Variants in CCT5 observed in about 807,000 individuals in gnomAD.
CCT5 encodes the protein chaperonin containing TCP1 subunit 5.
Under a neutral mutation model 55.0 loss-of-function variants are expected in CCT5, and 6 were observed. That is an observed-to-expected ratio of 0.11 (90% confidence interval 0.06 to 0.22). The LOEUF (loss-of-function observed/expected upper bound fraction) is 0.22, where lower values mean the gene tolerates loss of function less well. CCT5 is among the 10% of genes least tolerant of loss of function. CCT5 has a pLI of 1.00. For missense variants in CCT5, 560 were observed against 694.6 expected, an observed-to-expected ratio of 0.81 and a Z score of 2.18; for synonymous variants, 231 against 243.7, an observed-to-expected ratio of 0.95 and a Z score of 0.49.
At position 10,265,482 on chromosome 5, in the gene CCT5, A is replaced by AGG; in HGVS notation, c.*700_*701insGG. On this transcript the variant is annotated 3_prime_UTR_variant, in exon 11 of 11. Coordinates refer to ENST00000280326, the MANE Select transcript of CCT5 (RefSeq NM_012073.5). Reference sequence around the variant, plus strand: ...AGGGACACAGTGAAGTGGAGGTTAAAGTAAATTACAGGAAATAAGGGAGAA... The same window carrying AGG: ...AGGGACACAGTGAAGTGGAGGTTAAAGGGTAAATTACAGGAAATAAGGGAGAA... The AGG allele has an allele frequency of 6.6e-6, 1 of 152,376 alleles. No homozygotes were observed. Among genetic ancestry groups the AGG allele is most frequent in the Non-Finnish European group, 1.5e-5 (1 of 68,152 alleles). 9.4% of individuals were successfully genotyped at this position (152,376 alleles called of 1,614,324 possible).
rs1294500327 is a variant in CCT5 at position 10,265,460 on chromosome 5, G to A, written c.*677G>A. The A allele has an allele frequency of 6.6e-5, 10 of 152,378 alleles. No homozygotes were observed. Among genetic ancestry groups the A allele is most frequent in the African/African-American group, 2.4e-4 (10 of 41,462 alleles). The allele number at this position is 152,378 out of a possible 1,614,324, so 9.4% of individuals were successfully genotyped here. ...AACCCACTTGTTTCCCTATCAGAGG[G>A]ACACAGTGAAGTGGAGGTTAAAGTA... On this transcript the variant is annotated 3_prime_UTR_variant, in exon 11 of 11. Transcript: ENST00000280326.
chr5:10,265,098 T>G lies in CCT5; in HGVS notation c.*315T>G. 3.3e-6 allele frequency: 1 copy of G among 304,528 alleles called. No homozygotes were observed. Among genetic ancestry groups the G allele is most frequent in the South Asian group, 3.4e-5 (1 of 29,514 alleles). The allele number at this position is 304,528 out of a possible 1,614,324, so 18.9% of individuals were successfully genotyped here. ...TAATTGAAGGGGTTTGGGTGGATTT[T>G]TTTTTCTCAAAATAAGCTGTAGGGA... On this transcript the variant is annotated 3_prime_UTR_variant, in exon 11 of 11. Transcript: ENST00000280326.
Position 10,263,415 on chromosome 5 carries a change from ATATG to A in CCT5, c.1498+104_1498+107del, listed in dbSNP as rs1459084348. On this transcript the variant is annotated intron_variant, in intron 10 of 10. Transcript: ENST00000280326. ...CTGTGAGATGATGGTGTCTTTTTAAATATGTAAGCCCACTTCAGGTGTTCAAGTC... is the reference window on the plus strand; with the variant it reads ...CTGTGAGATGATGGTGTCTTTTTAAATAAGCCCACTTCAGGTGTTCAAGTC... The A allele has an allele frequency of 3.5e-6, 4 of 1,128,088 alleles. No homozygotes were observed. The African/African-American group carries it at 4.6e-5, about 13-fold the overall frequency. 69.9% of individuals were successfully genotyped at this position (1,128,088 alleles called of 1,614,324 possible).
In CCT5 at chr5:10,250,698, T is replaced by G. The variant is rs1745345270; in HGVS notation, c.105+253T>G. On this transcript the variant is annotated intron_variant, in intron 1 of 10. Transcript: ENST00000280326. ...GCCCTTCGGAGCTGGGTGGGGCCGCTCAGTCCGGTCGCCCGCGGGAGCAAA... is the reference window on the plus strand; with the variant it reads ...GCCCTTCGGAGCTGGGTGGGGCCGCGCAGTCCGGTCGCCCGCGGGAGCAAA... The G allele has an allele frequency of 2.2e-6, 3 of 1,346,092 alleles. No individual in the cohort carries two copies. In the East Asian group the frequency reaches 9.1e-5, roughly 41 times the overall value. 83.4% of individuals were successfully genotyped at this position (1,346,092 alleles called of 1,614,324 possible). A position where few individuals can be genotyped will look rare whatever the true frequency, so the allele number is the denominator to read the frequency against.
Position 10,256,145 on chromosome 5 carries a change from C to G in CCT5, c.522C>G (p.Gly174=). 6.2e-7 allele frequency: 1 copy of G among 1,612,918 alleles called. No homozygotes were observed. Residue 174 remains glycine (G), a synonymous_variant, in exon 4 of 11, where the codon GGC becomes GGG. Coordinates refer to ENST00000280326, the MANE Select transcript of CCT5 (RefSeq NM_012073.5). The part of the protein sequence containing the change: ...PLIQTAKTTL[G]SKVVNSCHRQ... ...TTCAGACAGCAAAAACCACGCTGGG[C>G]TCCAAAGTGTACGTTTCAGTAGATG...
At chr5:10,254,250 A>G (rs1297504057) in intron 2 of CCT5, 45 bp downstream of exon 2, 3 of 1,312,250 alleles carry the variant, frequency 2.3e-6, no homozygotes, top group Non-Finnish European at 3.3e-6. Context: ...GATTTAAATT[A>G]TAAAACTGTC....
chr5:10,257,078 G>A (rs1440815344), intron 4 of CCT5, among the ~76,000 whole-genome samples: 1 of 152,222 alleles, frequency 6.6e-6, no homozygotes, highest in East Asian at 1.9e-4. Flanking sequence ...TTAAATCAGT[G>A]AGAGATGTTT....
In CCT5 at chr5:10,262,344, A is replaced by G; in HGVS notation, c.1180-137A>G. 3 of 952,426 alleles carry G rather than the reference A, an allele frequency of 3.1e-6. No individual in the cohort carries two copies. The South Asian group carries it at 4.1e-5, about 13-fold the overall frequency. The allele number at this position is 952,426 out of a possible 1,614,324, so 59.0% of individuals were successfully genotyped here. ...TACATTGCAGGAAGGAAAGCTAGAA[A>G]GATAAATATTATCCGATAGTGGAGG... On this transcript the variant is annotated intron_variant, in intron 8 of 10. Coordinates refer to ENST00000280326, the MANE Select transcript of CCT5 (RefSeq NM_012073.5).
At position 10,250,884 on chromosome 5, in the gene CCT5, A is replaced by G. The variant is rs553034119; in HGVS notation, c.105+439A>G. On this transcript the variant is annotated intron_variant, in intron 1 of 10. Transcript: ENST00000280326. ...CAACGGCCCTTCCGTTTTCTTTGTC[A>G]CTCGTAAAGGTGTGGTCACTTAACA... 36 of 1,038,466 alleles carry G rather than the reference A, an allele frequency of 3.5e-5. No homozygotes were observed. The East Asian group carries it at 2.3e-3, about 66-fold the overall frequency. The allele number at this position is 1,038,466 out of a possible 1,614,324, so 64.3% of individuals were successfully genotyped here. A position where few individuals can be genotyped will look rare whatever the true frequency, so the allele number is the denominator to read the frequency against.
chr5:10,252,868 TCTC>T (rs1158029551), intron 1 of CCT5, among the ~76,000 whole-genome samples: 1 of 152,122 alleles, frequency 6.6e-6, no homozygotes, highest in African/African-American at 2.4e-5. Context: ...TTTCGGGATC[TCTC>T]CTATTTGCCA....
At chr5:10,253,807 T>G (rs57757643) in intron 1 of CCT5, among the ~76,000 whole-genome samples, 6,181 of 152,306 alleles carry the variant, frequency 0.041, 442 homozygotes, top group African/African-American at 0.14. Context: ...CAGGGAGGAC[T>G]GTGTTGCACA....
At chr5:10,252,245 G>A (rs937151713) in intron 1 of CCT5, among the ~76,000 whole-genome samples, 2 of 152,178 alleles carry the variant, frequency 1.3e-5, no homozygotes, top group African/African-American at 4.8e-5. Context: ...CTTGCTCCCT[G>A]ACCTCATAGA....
At chr5:10,253,827 C>G (rs1449214083) in intron 1 of CCT5, among the ~76,000 whole-genome samples, 1 of 152,180 alleles carries the variant, frequency 6.6e-6, no homozygotes, top group Non-Finnish European at 1.5e-5. Flanking sequence ...AGTGGTCTTG[C>G]AACGCCTGTA....
chr5:10,258,106 C>G lies in CCT5; in HGVS notation c.531-5C>G. On this transcript the variant is annotated splice_polypyrimidine_tract_variant and splice_region_variant and intron_variant, in intron 4 of 10. Transcript: ENST00000280326. ...ATGAAGTTTGTTTTGTGGTGTTTTCCTCAGGGTCAACAGTTGTCACCGACA... is the reference window on the plus strand; with the variant it reads ...ATGAAGTTTGTTTTGTGGTGTTTTCGTCAGGGTCAACAGTTGTCACCGACA... 1 of 1,613,880 alleles carries G rather than the reference C, an allele frequency of 6.2e-7. No homozygotes were observed. Among genetic ancestry groups the G allele is most frequent in the Non-Finnish European group, 8.5e-7 (1 of 1,179,978 alleles).
chr5:10,259,105 A>G (rs1470598265), intron 6 of CCT5, among the ~76,000 whole-genome samples: 1 of 152,242 alleles, frequency 6.6e-6, no homozygotes, highest in Middle Eastern at 3.2e-3. Context: ...AACTTAGCTT[A>G]CCTTGCCTTT....
intron 3 of CCT5, 145 bp downstream of exon 3, chr5:10,254,983 T>G: frequency 1.6e-6 from 1 of 632,716 alleles, no homozygotes; most frequent in Non-Finnish European, 2.8e-6. Context: ...AAAACAAATG[T>G]CGGACTTTCA....
At chr5:10,254,322 A>C in intron 2 of CCT5, 117 bp downstream of exon 2, 1 of 768,526 alleles carries the variant, frequency 1.3e-6, no homozygotes, top group Non-Finnish European at 2.2e-6. Context: ...TCCTTAACAC[A>C]GCCAAAATTT....
At chr5:10,250,516 G>A (rs1010941066) in intron 1 of CCT5, 71 bp downstream of exon 1, 39 of 1,589,878 alleles carry the variant, frequency 2.5e-5, no homozygotes, top group Middle Eastern at 4.5e-4. Context: ...GCGCCTGCGC[G>A]AGTTGAGGAG....
chr5:10,250,713 G>C (rs1299016554), intron 1 of CCT5: 2 of 1,304,682 alleles, frequency 1.5e-6, no homozygotes, highest in African/African-American at 3.1e-5. Context: ...CCGGTCGCCC[G>C]CGGGAGCAAA....
Sources: allele counts gnomAD v4.1 joint callset (sites outside exome capture counted in the v4.1 genomes callset), GRCh38; gene constraint gnomAD v4.1.1; transcripts MANE v1.5; gene names NCBI Gene and HGNC (gene_info 2026-07-23, HGNC 2026-07-21).